MYZAP: variants seen among roughly 807,000 people sequenced by gnomAD.
MYZAP encodes the protein myocardial zonula adherens protein.
In MYZAP, 66 loss-of-function variants were observed where a neutral mutation model predicts 69.4. That is an observed-to-expected ratio of 0.95 (90% CI 0.78 to 1.17). The LOEUF (loss-of-function observed/expected upper bound fraction) is 1.17, where lower values mean the gene tolerates loss of function less well. Among genes scored for constraint, MYZAP ranks in the 50% most tolerant of loss-of-function variants. The pLI is 0.00. For synonymous variants in MYZAP, 256 were observed against 205.9 expected (o/e 1.24, Z -2.09); for missense variants, 611 against 556.2 (o/e 1.10, Z -0.99).
intron 9 of MYZAP, among the ~76,000 whole-genome samples, chr15:57,638,963 C>T (rs1488026223): frequency 6.6e-6 from 1 of 152,098 alleles, no homozygotes; most frequent in Non-Finnish European, 1.5e-5. Flanking sequence ...TCTCTCAGCC[C>T]CTGGAAAATA....
intron 11 of MYZAP, among the ~76,000 whole-genome samples, chr15:57,668,894 A>ATATTT (rs1252525814): frequency 6.4e-4 from 40 of 62,598 alleles, no homozygotes; most frequent in African/African-American, 1.5e-3. Context: ...ATATATATAT[A>ATATTT]TTTTTTTTTT....
intron 1 of MYZAP, among the ~76,000 whole-genome samples, chr15:57,595,191 A>G (rs2033975017): frequency 6.6e-6 from 1 of 152,134 alleles, no homozygotes; most frequent in Non-Finnish European, 1.5e-5. Flanking sequence ...TCACCTCTCA[A>G]GGAAAAAAAA....
chr15:57,674,565 G>A (rs1281563598), intron 11 of MYZAP, among the ~76,000 whole-genome samples: 2 of 152,136 alleles, frequency 1.3e-5, no homozygotes, highest in African/African-American at 2.4e-5. Flanking sequence ...ATATCTAAAT[G>A]CCCATCAATA....
At chr15:57,643,741 G>GT (rs76647740) in intron 10 of MYZAP, among the ~76,000 whole-genome samples, 6,246 of 136,158 alleles carry the variant, frequency 0.046, 377 homozygotes, top group African/African-American at 0.14. Flanking sequence ...TTTTTTTTTT[G>GT]TTTTTTTTTT....
chr15:57,664,262 C>A (rs1365522975), intron 11 of MYZAP, among the ~76,000 whole-genome samples: 1 of 152,018 alleles, frequency 6.6e-6, no homozygotes, highest in Non-Finnish European at 1.5e-5. Context: ...GTCACAGGAC[C>A]CTCAGTGGCT....
chr15:57,658,665 T>C (rs2038125247), intron 10 of MYZAP, among the ~76,000 whole-genome samples: 1 of 152,216 alleles, frequency 6.6e-6, no homozygotes, highest in Non-Finnish European at 1.5e-5. Flanking sequence ...GAACACTTCA[T>C]GGGTGATGCT....
At chr15:57,623,045 T>C (rs1403324052) in intron 4 of MYZAP, among the ~76,000 whole-genome samples, 3 of 152,202 alleles carry the variant, frequency 2.0e-5, no homozygotes, top group African/African-American at 7.2e-5. Context: ...AGGTAATGTA[T>C]ACTAAAGGAA....
chr15:57,678,558 A>G (rs1161522521), intron 12 of MYZAP, among the ~76,000 whole-genome samples: 2 of 152,122 alleles, frequency 1.3e-5, no homozygotes, highest in Non-Finnish European at 2.9e-5. Context: ...ATTGGTGGTA[A>G]TCATTGATTT....
At chr15:57,632,029 G>A (rs1253325848) in intron 6 of MYZAP, among the ~76,000 whole-genome samples, 2 of 152,176 alleles carry the variant, frequency 1.3e-5, no homozygotes, top group African/African-American at 4.8e-5. Flanking sequence ...AGGTTGGAAT[G>A]TTTCCAAAAG....
chr15:57,618,044 G>T lies in MYZAP; in HGVS notation c.174G>T (p.Leu58=). The change falls in exon 3 of 13, where the codon CTG becomes CTT. Residue 58 remains leucine, a synonymous_variant. Transcript: ENST00000267853. The part of the protein sequence containing the change: ...KIERKEQLLD[L]SNGEPTRKLP... ...CTACTTTCTTTTAGCTTCTTGACCT[G>T]AGCAATGGAGAACCTACCAGGAAAC... 6.2e-7 allele frequency: 1 copy of T among 1,613,318 alleles called. No individual in the cohort carries two copies. Among genetic ancestry groups the T allele is most frequent in the Non-Finnish European group, 8.5e-7 (1 of 1,179,854 alleles).
intron 10 of MYZAP, chr15:57,647,429 T>TA (rs2140493160): frequency 1.0e-6 from 1 of 985,418 alleles, no homozygotes; most frequent in Non-Finnish European, 1.2e-6. Context: ...GCTGTAATGT[T>TA]TTTCTAAGTC....
At chr15:57,675,524 A>G (rs1323171193) in intron 12 of MYZAP, among the ~76,000 whole-genome samples, 10 of 152,148 alleles carry the variant, frequency 6.6e-5, no homozygotes, top group African/African-American at 2.4e-4. Context: ...AAGAGGGAGG[A>G]TCTAAACCTT....
chr15:57,633,726 T>C lies in MYZAP; in HGVS notation c.918T>C (p.Ile306=), dbSNP rs546156676. 6.2e-7 allele frequency: 1 copy of C among 1,608,872 alleles called. No individual in the cohort carries two copies. Among genetic ancestry groups the C allele is most frequent in the South Asian group, 1.1e-5 (1 of 89,508 alleles). The change falls in exon 8 of 13, where the codon ATT becomes ATC. Residue 306 remains isoleucine (I), a synonymous_variant. Transcript: ENST00000267853. Reference sequence around the variant, plus strand: ...GGATCGGGGAGCTGGACAGGCTGATTGAGCGCATGGAAAAGGTAGGACACA... The same window carrying C: ...GGATCGGGGAGCTGGACAGGCTGATCGAGCGCATGGAAAAGGTAGGACACA... ...DQRIGELDRL[I]ERMEKERHQL...
chr15:57,614,460 T>C (rs1193823112), intron 2 of MYZAP, among the ~76,000 whole-genome samples: 2 of 152,178 alleles, frequency 1.3e-5, no homozygotes, highest in Non-Finnish European at 2.9e-5. Context: ...CTCAGGGGTC[T>C]GAAGGGTCAG....
intron 11 of MYZAP, among the ~76,000 whole-genome samples, chr15:57,669,389 C>T (rs1262323780): frequency 4.6e-5 from 7 of 152,152 alleles, no homozygotes; most frequent in African/African-American, 7.2e-5. Context: ...TTGTGTGAAG[C>T]AAAGGTATCA....
chr15:57,620,284 C>T (rs1413044088), intron 3 of MYZAP, among the ~76,000 whole-genome samples: 1 of 152,180 alleles, frequency 6.6e-6, no homozygotes, highest in African/African-American at 2.4e-5. Context: ...AATAAACATG[C>T]TGTCTATTTT....
chr15:57,655,458 G>A (rs2037965623), intron 10 of MYZAP, among the ~76,000 whole-genome samples: 1 of 152,178 alleles, frequency 6.6e-6, no homozygotes, highest in South Asian at 2.1e-4. Context: ...AATTGGGAGA[G>A]TGAGATAGTC....
At position 57,621,671 on chromosome 15, in the gene MYZAP, A is replaced by G; in HGVS notation, c.382A>G (p.Lys128Glu). 1.2e-6 allele frequency: 2 copies of G among 1,614,004 alleles called. No individual in the cohort carries two copies. The highest frequency in any genetic ancestry group is 3.3e-4 in the Middle Eastern group (2 of 6,062). ...MYGDYDEMRQ[K>E]IRQLTQELSV... is the part of the protein sequence containing the mutation. ...TGGAGACTATGATGAGATGAGACAG[A>G]AGATTCGACAGCTCACCCAGGAACT... The change falls in exon 4 of 13, where the codon AAG (lysine) becomes GAG (glutamate). Residue 128 changes from lysine (K) to glutamate (E), a missense_variant. Coordinates refer to ENST00000267853, the MANE Select transcript of MYZAP (RefSeq NM_001018100.5).
Position 57,680,515 on chromosome 15 carries a change from A to ACACACACACACACG in MYZAP, c.1305-3885_1305-3884insCACACACACACGCA, listed in dbSNP as rs796592403. 3.5e-4 allele frequency among the ~76,000 whole-genome samples: 52 copies of ACACACACACACACG among 150,104 alleles called. 2 individuals carry two copies. The highest frequency in any genetic ancestry group is 1.2e-3 in the African/African-American group (48 of 40,036). ...CACACACACACACACACACACACAC[A>ACACACACACACACG]CAAATGTATGTGTGTATTTAAAGAC... On this transcript the variant is annotated intron_variant, in intron 12 of 12. Transcript: ENST00000267853.
Sources: gnomAD v4.1 joint callset for allele counts (sites outside exome capture counted in the v4.1 genomes callset) on GRCh38, gnomAD v4.1.1 for gene constraint, MANE v1.5 for transcripts, NCBI Gene and HGNC (gene_info 2026-07-23, HGNC 2026-07-21) for gene names.